The following AHI1 variants were observed in gnomAD, a reference collection of about 807,000 sequenced individuals.
The protein encoded by AHI1 is Abelson helper integration site 1, also known as jouberin.
AHI1 carries 123 observed loss-of-function variants against 149.3 expected under a neutral mutation model. The ratio of observed to expected loss-of-function variants is 0.82; its 90% CI spans 0.71 to 0.96. The LOEUF is 0.96. AHI1 is among the 40% of genes least tolerant of loss of function. The pLI is 0.00. For synonymous variants in AHI1, 475 were observed against 459.8 expected, an observed-to-expected ratio of 1.03 and a Z score of -0.42; for missense variants, 1,439 against 1,422.7, an observed-to-expected ratio of 1.01 and a Z score of -0.18.
intron 22 of AHI1, among the ~76,000 whole-genome samples, chr6:135,398,058 G>GTTTTGTTTT (rs1779487730): frequency 9.0e-5 from 8 of 88,426 alleles, no homozygotes; most frequent in Admixed American, 2.6e-4. Flanking sequence ...TACCCAGGAT[G>GTTTTGTTTT]TTTTTTTTTT....
chr6:135,302,235 T>C (rs186492947), intron 26 of AHI1: 58 of 985,486 alleles, frequency 5.9e-5, no homozygotes, highest in Non-Finnish European at 6.3e-5. Context: ...TATAGGTATA[T>C]ATGAAACTTG....
In AHI1 at chr6:135,433,252, A is replaced by G. The variant is rs1784917134; in HGVS notation, c.2041T>C (p.Trp681Arg). 5 of 1,594,140 alleles carry G rather than the reference A, an allele frequency of 3.1e-6. No homozygotes were observed. The highest frequency in any genetic ancestry group is 4.3e-6 in the Non-Finnish European group (5 of 1,163,280). Residue 681 changes from tryptophan to arginine, a missense_variant, in exon 16 of 29, where the codon TGG becomes CGG. By Grantham distance (101) the Trp-to-Arg change is moderately radical (BLOSUM62 -3). Coordinates refer to ENST00000265602, the MANE Select transcript of AHI1 (RefSeq NM_001134831.2). ...TSSSDGTARI[W>R]KNEINNTNTF... ...TTTGTATTGTTTATTTCATTTTTCC[A>G]TATCCTGGAAAAGGATAAGAAGTTA...
chr6:135,314,986 T>C (rs1167393436), intron 26 of AHI1, among the ~76,000 whole-genome samples: 1 of 152,204 alleles, frequency 6.6e-6, no homozygotes, highest in Non-Finnish European at 1.5e-5. Context: ...CTAAATGTAT[T>C]TGAAGGGGTG....
intron 24 of AHI1, among the ~76,000 whole-genome samples, chr6:135,356,709 C>T (rs188815657): frequency 3.9e-5 from 6 of 152,190 alleles, no homozygotes; most frequent in East Asian, 1.9e-4. Context: ...CATGTTATGG[C>T]TACTCTTTTA....
At chr6:135,321,032 C>T (rs1052097736) in intron 25 of AHI1, among the ~76,000 whole-genome samples, 5 of 152,252 alleles carry the variant, frequency 3.3e-5, no homozygotes, top group East Asian at 3.9e-4. Flanking sequence ...TCCTTTCATA[C>T]GGCCTATGTT....
chr6:135,291,424 G>A (rs1014522906), intron 27 of AHI1, among the ~76,000 whole-genome samples: 1 of 151,392 alleles, frequency 6.6e-6, no homozygotes, highest in Non-Finnish European at 1.5e-5. Context: ...AATAAGACTA[G>A]AGTCCTTAGA....
At chr6:135,386,555 C>T (rs1388508548) in intron 23 of AHI1, among the ~76,000 whole-genome samples, 3 of 152,174 alleles carry the variant, frequency 2.0e-5, no homozygotes, top group Non-Finnish European at 4.4e-5. Context: ...TGTGATCCGC[C>T]TGCCTCGGCC....
At chr6:135,456,435 G>A (rs1055669819) in intron 9 of AHI1, among the ~76,000 whole-genome samples, 2 of 151,832 alleles carry the variant, frequency 1.3e-5, no homozygotes, top group African/African-American at 4.8e-5. Flanking sequence ...TCCCAGCTAC[G>A]TGGGAGTCTG....
chr6:135,440,403 A>T (rs1786092174), intron 14 of AHI1, among the ~76,000 whole-genome samples: 1 of 152,148 alleles, frequency 6.6e-6, no homozygotes, highest in African/African-American at 2.4e-5. Context: ...AACAAAACAA[A>T]ACAAAAAACC....
At chr6:135,467,114 G>A (rs1383873639) in intron 6 of AHI1, among the ~76,000 whole-genome samples, 1 of 152,140 alleles carries the variant, frequency 6.6e-6, no homozygotes, top group African/African-American at 2.4e-5. Flanking sequence ...ATGGGATTAA[G>A]CATCCCAGCA....
intron 22 of AHI1, among the ~76,000 whole-genome samples, chr6:135,396,154 A>T (rs1377457431): frequency 6.6e-6 from 1 of 151,838 alleles, no homozygotes; most frequent in African/African-American, 2.4e-5. Flanking sequence ...CTATTATGTC[A>T]TCTCAATAAA....
At chr6:135,325,962 C>T (rs1787610802) in intron 24 of AHI1, among the ~76,000 whole-genome samples, 1 of 152,166 alleles carries the variant, frequency 6.6e-6, no homozygotes, top group African/African-American at 2.4e-5. Flanking sequence ...GAATTTTACA[C>T]ACAGGGGTGT....
intron 21 of AHI1, among the ~76,000 whole-genome samples, chr6:135,408,685 A>G (rs1157723828): frequency 1.3e-5 from 2 of 152,188 alleles, no homozygotes; most frequent in African/African-American, 2.4e-5. Flanking sequence ...ACTAATCAAG[A>G]TATCTATCAA....
chr6:135,441,067 C>T (rs1158309741), intron 14 of AHI1, among the ~76,000 whole-genome samples: 2 of 151,464 alleles, frequency 1.3e-5, no homozygotes, highest in Non-Finnish European at 2.9e-5. Flanking sequence ...CTAAAGAAAA[C>T]TATATCTAAA....
chr6:135,296,293 C>T (rs914233718), intron 27 of AHI1, among the ~76,000 whole-genome samples: 1 of 152,144 alleles, frequency 6.6e-6, no homozygotes, highest in African/African-American at 2.4e-5. Context: ...TGGATAATTT[C>T]AATATTATTT....
At chr6:135,389,142 C>G (rs1301839803) in intron 23 of AHI1, among the ~76,000 whole-genome samples, 1 of 151,832 alleles carries the variant, frequency 6.6e-6, no homozygotes, top group Non-Finnish European at 1.5e-5. Flanking sequence ...AACCCTGTCT[C>G]TACTAAAAAA....
chr6:135,427,859 A>G (rs2128007147), intron 19 of AHI1, among the ~76,000 whole-genome samples: 1 of 151,682 alleles, frequency 6.6e-6, no homozygotes, highest in Middle Eastern at 3.4e-3. Flanking sequence ...TCAAAAAGCA[A>G]AGAATCTAGA....
intron 27 of AHI1, among the ~76,000 whole-genome samples, chr6:135,294,905 T>C (rs1782891861): frequency 6.6e-6 from 1 of 152,000 alleles, no homozygotes; most frequent in African/African-American, 2.4e-5. Flanking sequence ...AAGCATGATT[T>C]GTAAAAGAAA....
chr6:135,321,292 T>A (rs1271931924), intron 25 of AHI1, among the ~76,000 whole-genome samples: 1 of 152,028 alleles, frequency 6.6e-6, no homozygotes, highest in African/African-American at 2.4e-5. Context: ...AAAAAAAAAG[T>A]TATATGTCAT....
Sources: allele counts gnomAD v4.1 joint callset (sites outside exome capture counted in the v4.1 genomes callset), GRCh38; gene constraint gnomAD v4.1.1; transcripts MANE v1.5; gene names NCBI Gene and HGNC (gene_info 2026-07-23, HGNC 2026-07-21).